Variants in GRM5 observed in about 807,000 individuals in gnomAD.
GRM5 encodes metabotropic glutamate receptor 5.
A neutral mutation model predicts 83.1 loss-of-function variants in GRM5; 19 were observed. The observed-to-expected ratio is 0.23, with a 90% CI of 0.16 to 0.34. The LOEUF (loss-of-function observed/expected upper bound fraction) is 0.34, where lower values mean the gene tolerates loss of function less well. GRM5 is among the 10% of genes least tolerant of loss of function. The probability of loss-of-function intolerance (pLI) is 1.00; values close to 1 mark genes in which losing one functional copy is unlikely to be tolerated. For missense variants in GRM5, 1,160 were observed against 1,588.3 expected (o/e 0.73, Z 4.58); for synonymous variants, 675 against 633.6 (o/e 1.07, Z -0.98).
At chr11:88,942,259 T>A (rs1307332851) in intron 2 of GRM5, among the ~76,000 whole-genome samples, 3 of 151,990 alleles carry the variant, frequency 2.0e-5, no homozygotes, top group African/African-American at 4.8e-5. Context: ...GTCATGACAT[T>A]TATAGTGTAT....
chr11:88,720,088 T>TAA (rs1847379696), intron 3 of GRM5, among the ~76,000 whole-genome samples: 1 of 152,060 alleles, frequency 6.6e-6, no homozygotes, highest in South Asian at 2.1e-4. Context: ...CCCTAAAATA[T>TAA]AAAAGTCCCG....
intron 3 of GRM5, among the ~76,000 whole-genome samples, chr11:88,680,837 C>T (rs1354344272): frequency 6.6e-6 from 1 of 152,084 alleles, no homozygotes; most frequent in Non-Finnish European, 1.5e-5. Context: ...CTAAAAAGCC[C>T]TCTGAAAGAA....
chr11:88,749,141 G>A lies in GRM5; in HGVS notation c.912-95738C>T, dbSNP rs146706288. On this transcript the variant is annotated intron_variant, in intron 3 of 9. Coordinates refer to ENST00000305447, the MANE Select transcript of GRM5 (RefSeq NM_001143831.3). ...TAGGCTTCAAAAGGTGGGTAATAAC[G>A]AACTTCACTGAACTAAAGGAGCATG... Among the ~76,000 whole-genome samples, 1,063 of 152,182 alleles carry A rather than the reference G, an allele frequency of 7.0e-3. 11 individuals carry two copies. Among genetic ancestry groups the A allele is most frequent in the African/African-American group, 0.024 (1,012 of 41,538 alleles).
In GRM5 at chr11:88,508,983, G is replaced by T; in HGVS notation, c.3248C>A (p.Ala1083Glu). The change falls in exon 10 of 10, where the codon GCG (alanine) becomes GAG (glutamate). Residue 1083 changes from alanine (A) to glutamate (E), a missense_variant. Ala to Glu is a moderately radical substitution (Grantham distance 107, BLOSUM62 -1). This residue lies in a region of GRM5 where 562 missense variants were observed against 532.4 expected (regional missense o/e 1.06). Transcript: ENST00000305447. The surrounding 1 kb of genome is among the most constrained non-coding windows in gnomAD (Gnocchi z 4.2). Reference sequence around the variant, plus strand: ...GGCGCCGACGCCGGGGCTGGGGGCCGCGGTGGACAGCATCATGGAGTTGAG... The same window carrying T: ...GGCGCCGACGCCGGGGCTGGGGGCCTCGGTGGACAGCATCATGGAGTTGAG... ...SELNSMMLST[A>E]APSPGVGAPL... is the part of the protein sequence containing the mutation. The T allele has an allele frequency of 6.3e-7, 1 of 1,581,586 alleles. No individual in the cohort carries two copies. The highest frequency in any genetic ancestry group is 1.2e-5 in the South Asian group (1 of 86,444).
intron 4 of GRM5, among the ~76,000 whole-genome samples, chr11:88,645,691 A>G (rs1366193882): frequency 2.6e-5 from 4 of 152,120 alleles, no homozygotes; most frequent in Admixed American, 6.6e-5. Context: ...TTAGTATCAA[A>G]TGGGGAAGGA....
At chr11:88,576,832 TG>T (rs1943121555) in intron 7 of GRM5, among the ~76,000 whole-genome samples, 1 of 152,200 alleles carries the variant, frequency 6.6e-6, no homozygotes, top group Admixed American at 6.5e-5. Flanking sequence ...AGTGGAATTT[TG>T]CACACATAAT....
intron 9 of GRM5, among the ~76,000 whole-genome samples, chr11:88,521,062 GA>G (rs1302189511): frequency 6.6e-6 from 1 of 152,098 alleles, no homozygotes; most frequent in Non-Finnish European, 1.5e-5. Context: ...TCCTCAAAGA[GA>G]GACTAGGAGG....
chr11:88,839,832 T>C (rs1309449820), intron 3 of GRM5, among the ~76,000 whole-genome samples: 2 of 152,222 alleles, frequency 1.3e-5, no homozygotes, highest in Non-Finnish European at 2.9e-5. Flanking sequence ...ATCAGTTGAT[T>C]AACACATATT....
At chr11:88,676,986 T>C (rs968755691) in intron 3 of GRM5, among the ~76,000 whole-genome samples, 1 of 152,056 alleles carries the variant, frequency 6.6e-6, no homozygotes, top group Non-Finnish European at 1.5e-5. Context: ...ACCTAAGTGC[T>C]TGAAAAAGTA....
chr11:89,040,275 A>G (rs1390314158), intron 2 of GRM5, among the ~76,000 whole-genome samples: 1 of 152,220 alleles, frequency 6.6e-6, no homozygotes, highest in Non-Finnish European at 1.5e-5. Context: ...AGATAGCATT[A>G]ATGTAATCAT....
At chr11:88,834,799 C>T (rs1409703923) in intron 3 of GRM5, among the ~76,000 whole-genome samples, 1 of 152,208 alleles carries the variant, frequency 6.6e-6, no homozygotes, top group Admixed American at 6.5e-5. Flanking sequence ...GTCATAAACT[C>T]ATGGGGAGGG....
At chr11:88,868,275 T>C (rs1264169260) in intron 2 of GRM5, among the ~76,000 whole-genome samples, 1 of 151,860 alleles carries the variant, frequency 6.6e-6, no homozygotes, top group African/African-American at 2.4e-5. Flanking sequence ...AGATGAAATT[T>C]GAACTTCACT....
intron 3 of GRM5, among the ~76,000 whole-genome samples, chr11:88,815,530 T>A (rs536572498): frequency 6.6e-6 from 1 of 152,366 alleles, no homozygotes; most frequent in South Asian, 2.1e-4. Flanking sequence ...AAGCTTAATT[T>A]GGCCCATAAT....
chr11:89,024,040 A>AC (rs1019910376), intron 2 of GRM5, among the ~76,000 whole-genome samples: 1 of 151,298 alleles, frequency 6.6e-6, no homozygotes, highest in African/African-American at 2.4e-5. Context: ...ACGTGGTAAA[A>AC]CCCCGTCTGT....
chr11:88,765,140 G>A (rs894778206), intron 3 of GRM5, among the ~76,000 whole-genome samples: 2 of 151,166 alleles, frequency 1.3e-5, no homozygotes, highest in Admixed American at 1.3e-4. Flanking sequence ...AAACCTCCAA[G>A]ACTAAATCAT....
intron 3 of GRM5, among the ~76,000 whole-genome samples, chr11:88,833,025 G>C (rs1944023353): frequency 6.6e-6 from 1 of 151,882 alleles, no homozygotes; most frequent in African/African-American, 2.4e-5. Context: ...AGAAAACATA[G>C]AGGAAACACT....
At chr11:88,838,906 T>C (rs61902996) in intron 3 of GRM5, among the ~76,000 whole-genome samples, 1,222 of 99,152 alleles carry the variant, frequency 0.012, 23 homozygotes, top group African/African-American at 0.04. Flanking sequence ...CACACACACA[T>C]ACACACACAA....
chr11:89,033,557 C>T (rs1206325760), intron 2 of GRM5, among the ~76,000 whole-genome samples: 1 of 151,808 alleles, frequency 6.6e-6, no homozygotes, highest in Non-Finnish European at 1.5e-5. Flanking sequence ...TTCTAAAGGA[C>T]ATTTTTTTAT....
intron 3 of GRM5, among the ~76,000 whole-genome samples, chr11:88,767,294 T>C (rs1942642161): frequency 6.6e-6 from 1 of 151,962 alleles, no homozygotes; most frequent in Non-Finnish European, 1.5e-5. Context: ...TAAAACAGAA[T>C]TGCTATTTGA....
Sources: gnomAD v4.1 joint callset for allele counts (sites outside exome capture counted in the v4.1 genomes callset) on GRCh38, gnomAD v4.1.1 for gene constraint, gnomAD v4.1.1 regional missense constraint, Gnocchi (gnomAD v3.1) non-coding constraint, MANE v1.5 for transcripts, NCBI Gene and HGNC (gene_info 2026-07-23, HGNC 2026-07-21) for gene names.